GCSAML: variants seen among roughly 807,000 people sequenced by gnomAD.
GCSAML encodes germinal center-associated signaling and motility-like protein.
A neutral mutation model predicts 13.0 loss-of-function variants in GCSAML; 9 were observed. The observed-to-expected ratio is 0.69, with a 90% CI of 0.42 to 1.21. The LOEUF is 1.21. Ranked by LOEUF, GCSAML falls within the 50% of genes most tolerant of loss-of-function variation. The pLI is 0.00. For missense variants in GCSAML, 143 were observed against 153.4 expected (o/e 0.93, Z 0.36); for synonymous variants, 37 against 52.9 (o/e 0.70, Z 1.31).
At chr1:247,522,618 A>G (rs1218646451) in intron 1 of GCSAML, among the ~76,000 whole-genome samples, 2 of 152,124 alleles carry the variant, frequency 1.3e-5, no homozygotes, top group African/African-American at 2.4e-5. Flanking sequence ...CTTAACCCCA[A>G]CCCCATGCTC....
chr1:247,532,361 G>A (rs1447721619), intron 2 of GCSAML: 1 of 1,614,018 alleles, frequency 6.2e-7, no homozygotes, highest in East Asian at 2.2e-5. Flanking sequence ...ACATCTGTAT[G>A]GGAGACCAGA....
At chr1:247,536,799 G>A (rs1667234852) in intron 2 of GCSAML, among the ~76,000 whole-genome samples, 1 of 152,104 alleles carries the variant, frequency 6.6e-6, no homozygotes, top group Non-Finnish European at 1.5e-5. Flanking sequence ...CTATCATGTA[G>A]TGAGGGAGAT....
intron 2 of GCSAML, chr1:247,536,142 A>G (rs1470689499): frequency 1.3e-5 from 2 of 152,162 alleles, no homozygotes. Context: ...CAACAAACAA[A>G]CGACAAAATT....
chr1:247,510,375 G>A (rs1214606410), intron 1 of GCSAML, among the ~76,000 whole-genome samples: 2 of 151,612 alleles, frequency 1.3e-5, no homozygotes. Context: ...TTTTTATTGT[G>A]TCTATTTGAT....
intron 3 of GCSAML, among the ~76,000 whole-genome samples, chr1:247,564,179 G>T (rs12726358): frequency 0.15 from 22,379 of 152,038 alleles, 2,221 homozygotes; most frequent in Middle Eastern, 0.23. Context: ...TGATCCACCT[G>T]CCTCAGCCTC....
chr1:247,574,396 C>T lies in GCSAML; in HGVS notation c.*14C>T. On this transcript the variant is annotated 3_prime_UTR_variant, in exon 5 of 5. Coordinates refer to ENST00000366488, the MANE Select transcript of GCSAML (RefSeq NM_145278.5). Reference sequence around the variant, plus strand: ...TTTCCACACTAAAATCCTCAAGCTGCTTTATCACCTTCCAGCAATGAAGAC... The same window carrying T: ...TTTCCACACTAAAATCCTCAAGCTGTTTTATCACCTTCCAGCAATGAAGAC... 1.2e-6 allele frequency: 2 copies of T among 1,612,674 alleles called. No individual in the cohort carries two copies. The highest frequency in any genetic ancestry group is 1.7e-6 in the Non-Finnish European group (2 of 1,179,206).
intron 1 of GCSAML, among the ~76,000 whole-genome samples, chr1:247,550,599 T>A (rs752786307): frequency 1.3e-5 from 2 of 151,982 alleles, no homozygotes; most frequent in African/African-American, 2.4e-5. Flanking sequence ...ATCCCGCCAC[T>A]GCACTCCAGC....
chr1:247,568,985 C>T (rs1199840986), intron 4 of GCSAML, among the ~76,000 whole-genome samples: 4 of 119,566 alleles, frequency 3.3e-5, no homozygotes, highest in Non-Finnish European at 7.3e-5. Context: ...AATGGGAGTC[C>T]ACTCATGATT....
intron 4 of GCSAML, among the ~76,000 whole-genome samples, chr1:247,567,218 G>T (rs2103066296): frequency 6.6e-6 from 1 of 151,866 alleles, no homozygotes; most frequent in South Asian, 2.1e-4. Flanking sequence ...GGGCAGGTCT[G>T]TTACATAGGA....
rs1398713921 is a variant in GCSAML at position 247,526,913 on chromosome 1, G to C, written c.-262-27G>C. ...GTAAGATGGGACTTCCCTCTATTTA[G>C]AAAGGTCTTCTTTCACTTTCTTTCA... On this transcript the variant is annotated intron_variant, in intron 1 of 5. Transcript: ENST00000366489. This position sits in a 1 kb window ranked among gnomAD's most constrained non-coding sequence, Gnocchi z 4.8. The C allele has an allele frequency of 2.2e-6, 1 of 454,610 alleles. No individual in the cohort carries two copies. Among genetic ancestry groups the C allele is most frequent in the South Asian group, 1.6e-5 (1 of 63,924 alleles). The allele number at this position is 454,610 out of a possible 1,614,324, so 28.2% of individuals were successfully genotyped here. A position where few individuals can be genotyped will look rare whatever the true frequency, so the allele number is the denominator to read the frequency against.
chr1:247,576,670 C>G lies in GCSAML; in HGVS notation c.*2288C>G, dbSNP rs994576408. ...AGGTGGACTCCAGATAACTCATTTG[C>G]TGTATACACATTTTGCCTCTCTATT... On this transcript the variant is annotated 3_prime_UTR_variant, in exon 5 of 5. Coordinates refer to ENST00000366488, the MANE Select transcript of GCSAML (RefSeq NM_145278.5). 6.6e-6 allele frequency: 1 copy of G among 152,150 alleles called. No homozygotes were observed. The highest frequency in any genetic ancestry group is 2.4e-5 in the African/African-American group (1 of 41,430). The allele number at this position is 152,150 out of a possible 1,614,324, so 9.4% of individuals were successfully genotyped here. A position where few individuals can be genotyped will look rare whatever the true frequency, so the allele number is the denominator to read the frequency against.
intron 1 of GCSAML, among the ~76,000 whole-genome samples, chr1:247,510,028 A>T (rs12067025): frequency 0.17 from 24,941 of 149,914 alleles, 2,082 homozygotes; most frequent in Admixed American, 0.2. Context: ...AAATGAGTTA[A>T]GGAGGAGTCC....
At chr1:247,518,166 T>C (rs1666280928) in intron 1 of GCSAML, among the ~76,000 whole-genome samples, 1 of 152,198 alleles carries the variant, frequency 6.6e-6, no homozygotes, top group Admixed American at 6.5e-5. Flanking sequence ...CTCTGGCTCC[T>C]GGTCTGGCCT....
At chr1:247,538,611 G>T in intron 2 of GCSAML, 1 of 383,212 alleles carries the variant, frequency 2.6e-6, no homozygotes. Flanking sequence ...TATAAAAAGA[G>T]TAAGAAATAC....
intron 2 of GCSAML, among the ~76,000 whole-genome samples, chr1:247,562,745 C>T (rs530585874): frequency 6.6e-6 from 1 of 152,268 alleles, no homozygotes; most frequent in East Asian, 1.9e-4. Flanking sequence ...CTCCTCCCTA[C>T]CGCCTTTGAA....
intron 1 of GCSAML, among the ~76,000 whole-genome samples, chr1:247,510,515 T>C (rs1335885999): frequency 6.6e-6 from 1 of 152,196 alleles, no homozygotes. Context: ...TTAGTTCTGC[T>C]CTGAGTTATT....
At chr1:247,530,640 C>T (rs1347164321) in intron 2 of GCSAML, 1 of 152,036 alleles carries the variant, frequency 6.6e-6, no homozygotes, top group Admixed American at 6.5e-5. Context: ...AAGAAACAGA[C>T]ATCTCAAAAA....
At chr1:247,550,569 G>A (rs1315442476) in intron 1 of GCSAML, among the ~76,000 whole-genome samples, 2 of 151,974 alleles carry the variant, frequency 1.3e-5, no homozygotes, top group African/African-American at 4.8e-5. Flanking sequence ...CCCGGGAGGC[G>A]GAGCTTGCAG....
chr1:247,529,404 T>G (rs1039180790), intron 2 of GCSAML: 8 of 152,192 alleles, frequency 5.3e-5, no homozygotes, highest in African/African-American at 1.7e-4. Flanking sequence ...ATGGGCTTTA[T>G]TGAATGATGG....
Sources: allele counts gnomAD v4.1 joint callset (sites outside exome capture counted in the v4.1 genomes callset), GRCh38; gene constraint gnomAD v4.1.1; non-coding constraint Gnocchi (gnomAD v3.1); transcripts MANE v1.5; gene names NCBI Gene and HGNC (gene_info 2026-07-23, HGNC 2026-07-21).